ADGRV1: variants seen among roughly 807,000 people sequenced by gnomAD.
ADGRV1 encodes the protein G-protein coupled receptor 98.
ADGRV1 carries 359 observed loss-of-function variants against 596.2 expected under a neutral mutation model. The ratio of observed to expected loss-of-function variants is 0.60; its 90% CI spans 0.55 to 0.66. The LOEUF (loss-of-function observed/expected upper bound fraction) is 0.66. ADGRV1 is among the 30% of genes least tolerant of loss of function. ADGRV1 has a pLI of 0.00. For missense variants in ADGRV1, 7,274 were observed against 7,575.6 expected, an observed-to-expected ratio of 0.96 and a Z score of 1.48; for synonymous variants, 2,681 against 2,679.2, an observed-to-expected ratio of 1.00 and a Z score of -0.02.
At chr5:91,072,365 A>G (rs1236407758) in intron 85 of ADGRV1, 82 bp from the exon 86 acceptor site, 2 of 1,224,178 alleles carry the variant, frequency 1.6e-6, no homozygotes, top group South Asian at 2.4e-5. Flanking sequence ...GAGCTAGTAT[A>G]AAGTAGTGAT....
Position 90,625,169 on chromosome 5 carries a change from C to A in ADGRV1, c.598C>A (p.Pro200Thr). The change falls in exon 6 of 90, where the codon CCA becomes ACA. Residue 200 changes from proline (P) to threonine (T), a missense_variant. Physicochemically the swap from Pro to Thr is conservative, Grantham distance 38. Coordinates refer to ENST00000405460, the MANE Select transcript of ADGRV1 (RefSeq NM_032119.4). Reference sequence around the variant, plus strand: ...AAATCCCCCTGATGAAGATTTGAGTCCAGTTAAAGGAAATATCACCTTTCC... The same window carrying A: ...AAATCCCCCTGATGAAGATTTGAGTACAGTTAAAGGAAATATCACCTTTCC... ...GPNPPDEDLS[P>T]VKGNITFPPG... 1.2e-6 allele frequency: 2 copies of A among 1,613,134 alleles called. No homozygotes were observed. The highest frequency in any genetic ancestry group is 1.7e-6 in the Non-Finnish European group (2 of 1,179,436).
chr5:90,621,083 A>G (rs1477000653), intron 4 of ADGRV1, among the ~76,000 whole-genome samples: 2 of 152,150 alleles, frequency 1.3e-5, no homozygotes, highest in African/African-American at 4.8e-5. Context: ...CCTTCTTGAG[A>G]TAAATTGTTT....
rs60957930 is a variant in ADGRV1, at chr5:91,104,860, C to CTTTTTTTTTTTTTTTT, written c.18432+2522_18432+2537dup. 4.0e-5 allele frequency among the ~76,000 whole-genome samples: 5 copies of CTTTTTTTTTTTTTTTT among 125,992 alleles called. 1 individual carries two copies. Among genetic ancestry groups the CTTTTTTTTTTTTTTTT allele is most frequent in the African/African-American group, 5.9e-5 (2 of 33,694 alleles). The allele number at this position is 125,992 out of a possible 152,430, so 82.7% of individuals were successfully genotyped here. ...CCTTTTCTTTTCTTTCTTTTCTTTT[C>CTTTTTTTTTTTTTTTT]TTTTTTTTTTTTTTTTTGAGACAGA... is the stretch of plus-strand genomic sequence containing the variant. On this transcript the variant is annotated intron_variant, in intron 87 of 89. Transcript: ENST00000405460.
rs538926705 is a variant in ADGRV1, at chr5:90,722,571, G to A, written c.9748+1512G>A. Among the ~76,000 whole-genome samples the A allele has an allele frequency of 7.3e-5, 11 of 151,174 alleles. No homozygotes were observed. In the South Asian group the frequency reaches 2.3e-3, roughly 32 times the overall value. On this transcript the variant is annotated intron_variant, in intron 45 of 89. Coordinates refer to ENST00000405460, the MANE Select transcript of ADGRV1 (RefSeq NM_032119.4). ...ACTAAAAATACAAAAAAAATTAGCC[G>A]GGCTTGGTGGCGCACGCCTATAATC... is the stretch of plus-strand genomic sequence containing the variant.
At chr5:90,838,878 GAAAC>G (rs1473212011) in intron 77 of ADGRV1, among the ~76,000 whole-genome samples, 3 of 152,120 alleles carry the variant, frequency 2.0e-5, no homozygotes, top group Non-Finnish European at 2.9e-5. Flanking sequence ...AACCCAAAAT[GAAAC>G]AAACAAAAAA....
In ADGRV1 at chr5:90,825,384, A is replaced by C. The variant is rs146483552; in HGVS notation, c.16368+1788A>C. The stretch of plus-strand genomic sequence containing the variant: ...CCTATGGAAATTATCAGTTATATGC[A>C]GTGTTACAACTTATGCATAGTTTAT... On this transcript the variant is annotated intron_variant, in intron 76 of 89. Transcript: ENST00000405460. 4.3e-3 allele frequency among the ~76,000 whole-genome samples: 652 copies of C among 152,338 alleles called. 6 individuals carry two copies. Among genetic ancestry groups the C allele is most frequent in the African/African-American group, 0.015 (617 of 41,576 alleles).
At position 90,771,124 on chromosome 5, in the gene ADGRV1, A is replaced by T. The variant is rs529805282; in HGVS notation, c.12286-3062A>T. Reference sequence around the variant, plus strand: ...TTTTTTATATCTTTCTGGGATTCACATTTCTTGTTTAGTATTTAGTTCTGT... The same window carrying T: ...TTTTTTATATCTTTCTGGGATTCACTTTTCTTGTTTAGTATTTAGTTCTGT... On this transcript the variant is annotated intron_variant, in intron 59 of 89. Coordinates refer to ENST00000405460, the MANE Select transcript of ADGRV1 (RefSeq NM_032119.4). Among the ~76,000 whole-genome samples the T allele has an allele frequency of 9.5e-4, 144 of 152,090 alleles. 1 individual carries two copies. The highest frequency in any genetic ancestry group is 3.3e-3 in the African/African-American group (137 of 41,508).
In ADGRV1 at chr5:90,642,674, C is replaced by G; in HGVS notation, c.2279C>G (p.Thr760Ser). 5 of 1,613,494 alleles carry G rather than the reference C, an allele frequency of 3.1e-6. No homozygotes were observed. Among genetic ancestry groups the G allele is most frequent in the Non-Finnish European group, 4.2e-6 (5 of 1,179,528 alleles). ...AACCAAGTGCTGAAATCTGGATATACTAGCCGTGACCTAATTATTTTGGAA... is the reference window on the plus strand; with the variant it reads ...AACCAAGTGCTGAAATCTGGATATAGTAGCCGTGACCTAATTATTTTGGAA... Reference protein sequence around the residue: ...VENQVLKSGYTSRDLIILEND... With the variant: ...VENQVLKSGYSSRDLIILEND... Residue 760 changes from threonine (T) to serine (S), a missense_variant, in exon 12 of 90, where the codon ACT becomes AGT. Thr to Ser is a moderately conservative substitution (Grantham distance 58). Transcript: ENST00000405460.
In ADGRV1 at chr5:90,756,470, TGGAG is replaced by T; in HGVS notation, c.11599_11602del (p.Glu3867LysfsTer10). ...ATCCCCCAGGATGACCTTCCTGAAT[TGGAG>T]GAAGGATTTATTGTCACTATCACTG... On this transcript the variant is annotated frameshift_variant, in exon 56 of 90. Transcript: ENST00000405460. LOFTEE classifies it high-confidence loss of function. 6.5e-7 allele frequency: 1 copy of T among 1,531,954 alleles called. No homozygotes were observed. The highest frequency in any genetic ancestry group is 8.8e-7 in the Non-Finnish European group (1 of 1,137,870). The allele number at this position is 1,531,954 out of a possible 1,614,324, so 94.9% of individuals were successfully genotyped here.
chr5:90,648,134 G>A (rs1006999976), intron 17 of ADGRV1, among the ~76,000 whole-genome samples: 1 of 152,128 alleles, frequency 6.6e-6, no homozygotes, highest in African/African-American at 2.4e-5. Context: ...CATTTTCCTT[G>A]GAGCAGGGTG....
chr5:90,781,296 T>A (rs936188973), intron 64 of ADGRV1, 134 bp from the exon 65 acceptor site: 1 of 723,982 alleles, frequency 1.4e-6, no homozygotes, highest in Non-Finnish European at 2.5e-6. Context: ...GCGTTGAGGA[T>A]CTTTAAAAGT....
intron 11 of ADGRV1, among the ~76,000 whole-genome samples, chr5:90,640,122 G>A (rs1187607912): frequency 1.3e-5 from 2 of 152,106 alleles, no homozygotes; most frequent in Non-Finnish European, 2.9e-5. Context: ...GGTGTATGTG[G>A]TATATAACCC....
At chr5:90,646,694 G>T (rs996176913) in intron 16 of ADGRV1, among the ~76,000 whole-genome samples, 1 of 151,286 alleles carries the variant, frequency 6.6e-6, no homozygotes, top group Non-Finnish European at 1.5e-5. Flanking sequence ...GCTATATATG[G>T]GTTAATTTAC....
At chr5:90,873,787 T>C (rs989939844) in intron 83 of ADGRV1, among the ~76,000 whole-genome samples, 6 of 128,140 alleles carry the variant, frequency 4.7e-5, no homozygotes, top group Non-Finnish European at 9.9e-5. Context: ...AAAGACCTTG[T>C]CTCTTAAAAA....
At chr5:90,659,288 A>G (rs967433413) in intron 21 of ADGRV1, among the ~76,000 whole-genome samples, 1 of 152,218 alleles carries the variant, frequency 6.6e-6, no homozygotes, top group Non-Finnish European at 1.5e-5. Context: ...TCAGCTATCA[A>G]AGAACTTCTA....
chr5:90,995,757 G>T (rs1226451223), intron 85 of ADGRV1, among the ~76,000 whole-genome samples: 1 of 152,140 alleles, frequency 6.6e-6, no homozygotes. Context: ...TATAGACAAT[G>T]AAGTCCAGGC....
At chr5:91,029,118 TA>T (rs1428305397) in intron 85 of ADGRV1, among the ~76,000 whole-genome samples, 1 of 152,178 alleles carries the variant, frequency 6.6e-6, no homozygotes, top group African/African-American at 2.4e-5. Flanking sequence ...TACTCCTTCA[TA>T]TTATGAAAGT....
chr5:90,687,943 A>C (rs1745903586), intron 29 of ADGRV1, among the ~76,000 whole-genome samples: 5 of 152,234 alleles, frequency 3.3e-5, no homozygotes, highest in Admixed American at 3.3e-4. Context: ...ATGGGTAGGA[A>C]GAATCAATAT....
chr5:90,797,287 CAAAAAAAAAAAAAAAA>C (rs780696194), intron 70 of ADGRV1, among the ~76,000 whole-genome samples: 1 of 26,352 alleles, frequency 3.8e-5, no homozygotes, highest in African/African-American at 1.4e-4. Context: ...AAATGAAAAG[CAAAAAAAAAAAAAAAA>C]AAAAAAAAGC....
Sources: allele counts gnomAD v4.1 joint callset (sites outside exome capture counted in the v4.1 genomes callset), GRCh38; gene constraint gnomAD v4.1.1; transcripts MANE v1.5; gene names NCBI Gene and HGNC (gene_info 2026-07-23, HGNC 2026-07-21).